DENND4B: variants seen among roughly 807,000 people sequenced by gnomAD.
The protein encoded by DENND4B is DENN domain containing 4B.
DENND4B carries 67 observed loss-of-function variants against 161.0 expected under a neutral mutation model. That is an observed-to-expected ratio of 0.42 (90% CI 0.34 to 0.51). The LOEUF (loss-of-function observed/expected upper bound fraction) is 0.51, where lower values mean the gene tolerates loss of function less well. Ranked by LOEUF, DENND4B falls within the 20% of genes least tolerant of loss-of-function variation. The pLI, the probability that DENND4B is intolerant of heterozygous loss-of-function variation, is 0.08. For missense variants in DENND4B, 1,481 were observed against 1,968.0 expected (o/e 0.75, Z 4.68); for synonymous variants, 753 against 813.8 (o/e 0.93, Z 1.27).
Position 153,939,020 on chromosome 1 carries a change from G to A in DENND4B, c.1845C>T (p.Ser615=). The A allele has an allele frequency of 5.6e-6, 9 of 1,612,388 alleles. No individual in the cohort carries two copies. The highest frequency in any genetic ancestry group is 7.6e-6 in the Non-Finnish European group (9 of 1,179,270). ...LQGFLKSRER[S]SHKLYSQLLH... ...GCAGCTGAGAGTAAAGTTTGTGGCT[G>A]GAGCGTTCCCGGGATTTGAGGAAGC... Residue 615 remains serine, a synonymous_variant, in exon 13 of 28, where the codon TCC becomes TCT. Transcript: ENST00000361217.
rs1377132096 is a variant in DENND4B at position 153,934,061 on chromosome 1, G to A, written c.2941+74C>T. The A allele has an allele frequency of 1.4e-6, 2 of 1,474,370 alleles. No individual in the cohort carries two copies. The highest frequency in any genetic ancestry group is 1.4e-5 in the African/African-American group (1 of 69,988). 91.3% of individuals were successfully genotyped at this position (1,474,370 alleles called of 1,614,324 possible). On this transcript the variant is annotated intron_variant, in intron 19 of 27. Transcript: ENST00000361217. The surrounding 1 kb of genome is among the most constrained non-coding windows in gnomAD (Gnocchi z 5.3). ...AGGGCCGCCCTCCACTCTGTTTCTGGTCTTCCCCACCTCACTAGCAAGTGG... is the reference window on the plus strand; with the variant it reads ...AGGGCCGCCCTCCACTCTGTTTCTGATCTTCCCCACCTCACTAGCAAGTGG...
chr1:153,929,609 G>C lies in DENND4B; in HGVS notation c.*688C>G, dbSNP rs1215404881. 6.6e-6 allele frequency: 1 copy of C among 152,146 alleles called. No individual in the cohort carries two copies. The highest frequency in any genetic ancestry group is 1.5e-5 in the Non-Finnish European group (1 of 68,072). 9.4% of individuals were successfully genotyped at this position (152,146 alleles called of 1,614,324 possible). ...GGGTGGGTGAGGCATTCCCCAAGGC[G>C]GGGCAGGCAAGAAAAATTAGGACTG... On this transcript the variant is annotated 3_prime_UTR_variant, in exon 28 of 28. Coordinates refer to ENST00000361217, the MANE Select transcript of DENND4B (RefSeq NM_014856.3).
Position 153,940,131 on chromosome 1 carries a change from C to T in DENND4B, c.1603+25G>A, listed in dbSNP as rs1475933691. 2 of 1,533,532 alleles carry T rather than the reference C, an allele frequency of 1.3e-6. No individual in the cohort carries two copies. Among genetic ancestry groups the T allele is most frequent in the Admixed American group, 4.4e-5 (2 of 45,662 alleles). The allele number at this position is 1,533,532 out of a possible 1,614,324, so 95.0% of individuals were successfully genotyped here. ...TTTGAGGGCAATGACAGTTCCCAGC[C>T]TCCCTCCCCACCCAGGCTTCTCACT... On this transcript the variant is annotated intron_variant, in intron 11 of 27. Coordinates refer to ENST00000361217, the MANE Select transcript of DENND4B (RefSeq NM_014856.3). The surrounding 1 kb of genome is among the most constrained non-coding windows in gnomAD (Gnocchi z 5.6).
Position 153,933,403 on chromosome 1 carries a change from CT to C in DENND4B, c.3330+79del. 1.2e-6 allele frequency: 2 copies of C among 1,606,828 alleles called. No individual in the cohort carries two copies. Among genetic ancestry groups the C allele is most frequent in the Non-Finnish European group, 8.5e-7 (1 of 1,176,510 alleles). On this transcript the variant is annotated intron_variant, in intron 20 of 27. Transcript: ENST00000361217. This position sits in a 1 kb window ranked among gnomAD's most constrained non-coding sequence, Gnocchi z 5.7. ...TGTTTCAAGCACCCCTCAGAGCCCC[CT>C]TTTTGAGCATTCTTCCAGTCGTAGC...
chr1:153,937,708 G>A lies in DENND4B; in HGVS notation c.2105+16C>T, dbSNP rs776283555. ...CTATGGGACCCTGGAACATGTGAAG[G>A]CTAAGAGACTCTCACCAGTACTGGG... On this transcript the variant is annotated intron_variant, in intron 14 of 27. Transcript: ENST00000361217. The surrounding 1 kb of genome is among the most constrained non-coding windows in gnomAD (Gnocchi z 4.7). 161 of 1,613,924 alleles carry A rather than the reference G, an allele frequency of 1.0e-4. No homozygotes were observed. Among genetic ancestry groups the A allele is most frequent in the Non-Finnish European group, 1.1e-4 (135 of 1,179,900 alleles).
chr1:153,940,949 C>G lies in DENND4B; in HGVS notation c.1281G>C (p.Ser427=). Reference sequence around the variant, plus strand: ...CGCTGGTGAGCAGGTCTGGCCGCAGCGAGTGGACTAGCAGCTTGTGCTCTG... The same window carrying G: ...CGCTGGTGAGCAGGTCTGGCCGCAGGGAGTGGACTAGCAGCTTGTGCTCTG... ...VLTEHKLLVH[S]LRPDLLTSVC... is the part of the protein sequence containing the mutation. The change falls in exon 9 of 28, where the codon TCG becomes TCC. Residue 427 remains serine (S), a synonymous_variant. Coordinates refer to ENST00000361217, the MANE Select transcript of DENND4B (RefSeq NM_014856.3). This position sits in a 1 kb window ranked among gnomAD's most constrained non-coding sequence, Gnocchi z 5.6. 1 of 1,600,450 alleles carries G rather than the reference C, an allele frequency of 6.2e-7. No individual in the cohort carries two copies. The highest frequency in any genetic ancestry group is 8.5e-7 in the Non-Finnish European group (1 of 1,174,872).
In DENND4B at chr1:153,933,060, G is replaced by A. The variant is rs1158247698; in HGVS notation, c.3454-30C>T. 3 of 1,611,158 alleles carry A rather than the reference G, an allele frequency of 1.9e-6. No homozygotes were observed. Among genetic ancestry groups the A allele is most frequent in the South Asian group, 1.1e-5 (1 of 90,932 alleles). ...GGGCAGGGAGAGTCGGGAAGTAGGT[G>A]CTGTCTGGCCGCCAGCACTCTGGAG... On this transcript the variant is annotated intron_variant, in intron 21 of 27. Transcript: ENST00000361217. The surrounding 1 kb of genome is among the most constrained non-coding windows in gnomAD (Gnocchi z 5.7).
chr1:153,932,190 A>G lies in DENND4B; in HGVS notation c.3996+14T>C, dbSNP rs371568858. ...GAGGCACTTAGGAAACAGGGGCCAC[A>G]TGGGGGCACTGACCTGGGAGTGCGA... On this transcript the variant is annotated intron_variant, in intron 24 of 27. Coordinates refer to ENST00000361217, the MANE Select transcript of DENND4B (RefSeq NM_014856.3). The surrounding 1 kb of genome is among the most constrained non-coding windows in gnomAD (Gnocchi z 5.8). The G allele has an allele frequency of 2.4e-5, 38 of 1,609,100 alleles. No homozygotes were observed. Among genetic ancestry groups the G allele is most frequent in the Non-Finnish European group, 3.1e-5 (36 of 1,176,592 alleles).
chr1:153,945,248 G>A (rs553240829), intron 1 of DENND4B: 44 of 1,107,266 alleles, frequency 4.0e-5, no homozygotes, highest in South Asian at 2.6e-5. Flanking sequence ...GCCCAGAAGC[G>A]TGGGGGGTGC....
chr1:153,934,662 C>G lies in DENND4B; in HGVS notation c.2773+98G>C. 1 of 1,502,134 alleles carries G rather than the reference C, an allele frequency of 6.7e-7. No homozygotes were observed. The highest frequency in any genetic ancestry group is 8.9e-7 in the Non-Finnish European group (1 of 1,124,478). The allele number at this position is 1,502,134 out of a possible 1,614,324, so 93.1% of individuals were successfully genotyped here. A position where few individuals can be genotyped will look rare whatever the true frequency, so the allele number is the denominator to read the frequency against. ...GTGTAATTTATCAATCCCCAGAAAC[C>G]CAATGCCAACCATTAGACCAGCCCC... On this transcript the variant is annotated intron_variant, in intron 18 of 27. Transcript: ENST00000361217. The surrounding 1 kb of genome is among the most constrained non-coding windows in gnomAD (Gnocchi z 5.3).
In DENND4B at chr1:153,934,311, G is replaced by A. The variant is rs1679185180; in HGVS notation, c.2774-9C>T. 1.3e-6 allele frequency: 2 copies of A among 1,576,270 alleles called. No individual in the cohort carries two copies. Among genetic ancestry groups the A allele is most frequent in the South Asian group, 2.3e-5 (2 of 85,538 alleles). On this transcript the variant is annotated splice_polypyrimidine_tract_variant and intron_variant, in intron 18 of 27. Transcript: ENST00000361217. The surrounding 1 kb of genome is among the most constrained non-coding windows in gnomAD (Gnocchi z 5.3). The stretch of plus-strand genomic sequence containing the variant: ...GCGCTCCAAATAGGGCTCTGTAAAA[G>A]ACGAGAAGGGGTTTAGAGGCGGCCA...
At position 153,933,779 on chromosome 1, in the gene DENND4B, G is replaced by T. The variant is rs1199162950; in HGVS notation, c.3034C>A (p.Pro1012Thr). 6 of 1,610,756 alleles carry T rather than the reference G, an allele frequency of 3.7e-6. No individual in the cohort carries two copies. The highest frequency in any genetic ancestry group is 3.4e-5 in the Admixed American group (2 of 59,600). ...LSDLSLTGEE[P>T]LPGGSPGGSG... ...CCCCCTGGGCTGCCTCCAGGGAGCG[G>T]CTCCTCCCCTGTCAGGCTCAGGTCT... Residue 1012 changes from proline (P) to threonine (T), a missense_variant, in exon 20 of 28, where the codon CCG becomes ACG. Coordinates refer to ENST00000361217, the MANE Select transcript of DENND4B (RefSeq NM_014856.3). The surrounding 1 kb of genome is among the most constrained non-coding windows in gnomAD (Gnocchi z 5.7).
In DENND4B at chr1:153,934,830, T is replaced by TTGCTGCTGC. The variant is rs1553203539; in HGVS notation, c.2694_2702dup (p.Gln908_Gln910dup). 46 of 1,285,108 alleles carry TTGCTGCTGC rather than the reference T, an allele frequency of 3.6e-5. No homozygotes were observed. Among genetic ancestry groups the TTGCTGCTGC allele is most frequent in the Non-Finnish European group, 5.0e-5 (46 of 914,418 alleles). 79.6% of individuals were successfully genotyped at this position (1,285,108 alleles called of 1,614,324 possible). On this transcript the variant is annotated inframe_insertion, in exon 18 of 28. Transcript: ENST00000361217. This position sits in a 1 kb window ranked among gnomAD's most constrained non-coding sequence, Gnocchi z 5.3. ...GCTGCTGCTGCTGCTGCTGCTGCTG[T>TTGCTGCTGC]TGCTGCTGCTGCTGCTGTTGCCGTT...
In DENND4B at chr1:153,936,021, G is replaced by A; in HGVS notation, c.2568+39C>T. On this transcript the variant is annotated intron_variant, in intron 17 of 27. Transcript: ENST00000361217. The surrounding 1 kb of genome is among the most constrained non-coding windows in gnomAD (Gnocchi z 4.1). ...CAGCAGCCTCCCCTCACACACCCTG[G>A]CACAGCTGCCATCCCACCCCTCACC... 1 of 1,608,986 alleles carries A rather than the reference G, an allele frequency of 6.2e-7. No homozygotes were observed. The highest frequency in any genetic ancestry group is 8.5e-7 in the Non-Finnish European group (1 of 1,177,494).
Position 153,934,942 on chromosome 1 carries a change from G to T in DENND4B, c.2591C>A (p.Pro864Gln), listed in dbSNP as rs763567017. 1 of 1,612,294 alleles carries T rather than the reference G, an allele frequency of 6.2e-7. No homozygotes were observed. Residue 864 changes from proline to glutamine, a missense_variant, in exon 18 of 28, where the codon CCG becomes CAG. This residue lies in a region of DENND4B where 339 missense variants were observed against 330.3 expected (regional missense o/e 1.03). Coordinates refer to ENST00000361217, the MANE Select transcript of DENND4B (RefSeq NM_014856.3). This position sits in a 1 kb window ranked among gnomAD's most constrained non-coding sequence, Gnocchi z 5.3. Reference protein sequence around the residue: ...YNKAVLESKWPSGTPGGRLRW... With the variant: ...YNKAVLESKWQSGTPGGRLRW... The stretch of plus-strand genomic sequence containing the variant: ...CAGACGCCCACCTGGTGTGCCAGAC[G>T]GCCACTTGCTTTCCAACACAGCCTA...
At position 153,930,213 on chromosome 1, in the gene DENND4B, G is replaced by T; in HGVS notation, c.*84C>A. 1 of 1,494,616 alleles carries T rather than the reference G, an allele frequency of 6.7e-7. No homozygotes were observed. Among genetic ancestry groups the T allele is most frequent in the South Asian group, 1.3e-5 (1 of 75,888 alleles). The allele number at this position is 1,494,616 out of a possible 1,614,324, so 92.6% of individuals were successfully genotyped here. ...CTTCCCAGCCTGTTCCCAACTCCAT[G>T]AAGGCAACAGGGAAGCAGTTTAACT... is the stretch of plus-strand genomic sequence containing the variant. On this transcript the variant is annotated 3_prime_UTR_variant, in exon 28 of 28. Transcript: ENST00000361217. The surrounding 1 kb of genome is among the most constrained non-coding windows in gnomAD (Gnocchi z 4.7).
rs954304098 is a variant in DENND4B at position 153,944,540 on chromosome 1, C to T, written c.-23-143G>A. On this transcript the variant is annotated intron_variant, in intron 1 of 27. Coordinates refer to ENST00000361217, the MANE Select transcript of DENND4B (RefSeq NM_014856.3). The surrounding 1 kb of genome is among the most constrained non-coding windows in gnomAD (Gnocchi z 4.8). Reference sequence around the variant, plus strand: ...GGTCGGCCAATCCTGAACTCTTCCCCCTGTGACATCACTGCCCACCACAGC... The same window carrying T: ...GGTCGGCCAATCCTGAACTCTTCCCTCTGTGACATCACTGCCCACCACAGC... 2.5e-6 allele frequency: 2 copies of T among 790,340 alleles called. No homozygotes were observed. Among genetic ancestry groups the T allele is most frequent in the Admixed American group, 3.3e-5 (1 of 30,726 alleles). 49.0% of individuals were successfully genotyped at this position (790,340 alleles called of 1,614,324 possible). A position where few individuals can be genotyped will look rare whatever the true frequency, so the allele number is the denominator to read the frequency against.
chr1:153,932,643 C>T lies in DENND4B; in HGVS notation c.3758G>A (p.Gly1253Glu), dbSNP rs1347327328. ...DEPQLCNGHMGGASRRVESGA... is the reference protein window; with the variant it reads ...DEPQLCNGHMEGASRRVESGA... ...ATGCCCCTTTGGCCCAGCCCTTACC[C>T]CCATGTGCCCGTTGCAGAGCTGGGG... The change falls in exon 23 of 28, where the codon GGG becomes GAG. Residue 1253 changes from glycine (G) to glutamate (E), a missense_variant and splice_region_variant. Around this residue, in one of 3 missense-constraint regions of DENND4B, gnomAD observed 336 missense variants for 503.3 expected, o/e 0.67. Transcript: ENST00000361217. This position sits in a 1 kb window ranked among gnomAD's most constrained non-coding sequence, Gnocchi z 5.8. 6.2e-7 allele frequency: 1 copy of T among 1,612,154 alleles called. No individual in the cohort carries two copies. Among genetic ancestry groups the T allele is most frequent in the Non-Finnish European group, 8.5e-7 (1 of 1,178,712 alleles).
At position 153,930,912 on chromosome 1, in the gene DENND4B, C is replaced by G; in HGVS notation, c.4114+35G>C. Reference sequence around the variant, plus strand: ...TCACTGAGCCCTCTGGGTATGGGACCCACCCTCCCCACCCAGGCCAAATAC... The same window carrying G: ...TCACTGAGCCCTCTGGGTATGGGACGCACCCTCCCCACCCAGGCCAAATAC... On this transcript the variant is annotated intron_variant, in intron 25 of 27. Coordinates refer to ENST00000361217, the MANE Select transcript of DENND4B (RefSeq NM_014856.3). This position sits in a 1 kb window ranked among gnomAD's most constrained non-coding sequence, Gnocchi z 4.7. 6.3e-7 allele frequency: 1 copy of G among 1,595,172 alleles called. No homozygotes were observed. Among genetic ancestry groups the G allele is most frequent in the Non-Finnish European group, 8.5e-7 (1 of 1,171,832 alleles).
Sources: gnomAD v4.1 joint callset for allele counts on GRCh38, gnomAD v4.1.1 for gene constraint, gnomAD v4.1.1 regional missense constraint, Gnocchi (gnomAD v3.1) non-coding constraint, MANE v1.5 for transcripts, NCBI Gene and HGNC (gene_info 2026-07-23, HGNC 2026-07-21) for gene names.